The following STAU2 variants were observed in gnomAD, a reference collection of about 807,000 sequenced individuals.
STAU2 encodes double-stranded RNA-binding protein Staufen homolog 2.
STAU2 carries 20 observed loss-of-function variants against 65.9 expected under a neutral mutation model. The ratio of observed to expected loss-of-function variants is 0.30; its 90% CI spans 0.21 to 0.44. The LOEUF is 0.44. Ranked by LOEUF, STAU2 falls within the 20% of genes least tolerant of loss-of-function variation. The pLI, the probability that STAU2 is intolerant of heterozygous loss-of-function variation, is 1.00. For missense variants in STAU2, 558 were observed against 683.9 expected, an observed-to-expected ratio of 0.82 and a Z score of 2.05; for synonymous variants, 232 against 233.9, an observed-to-expected ratio of 0.99 and a Z score of 0.07.
rs199601674 is a variant in STAU2 at position 73,613,766 on chromosome 8, T to C, written c.869A>G (p.Lys290Arg). 17 of 1,611,650 alleles carry C rather than the reference T, an allele frequency of 1.1e-5. No individual in the cohort carries two copies. In the East Asian group the frequency reaches 3.8e-4, roughly 36 times the overall value. Residue 290 changes from lysine (K) to arginine (R), a missense_variant, in exon 9 of 15, where the codon AAA (lysine) becomes AGA (arginine). Physicochemically the swap from Lys to Arg is conservative, Grantham distance 26. This residue lies in a region of STAU2 where 199 missense variants were observed against 299.5 expected (regional missense o/e 0.66). Coordinates refer to ENST00000524300, the MANE Select transcript of STAU2 (RefSeq NM_001164380.2). ...TACCTTTACTATTGTTTTAGGGCGT[T>C]TTTTAAAAAATAGTTTTGGCTTTTC... ...VVEKPKLFFK[K>R]RPKTIVKAGP...
upstream of STAU2, chr8:73,747,429 ACGCGCGACCATCCCG>A (rs779748797): frequency 6.5e-7 from 1 of 1,534,220 alleles, no homozygotes; most frequent in South Asian, 1.2e-5. Flanking sequence ...TGTGCAGGGG[ACGCGCGACCATCCCG>A]CGTCTGCTCC....
At chr8:73,694,286 A>T (rs1006536325) in intron 4 of STAU2, among the ~76,000 whole-genome samples, 7 of 152,240 alleles carry the variant, frequency 4.6e-5, no homozygotes, top group South Asian at 2.1e-4. Flanking sequence ...AAGCAAAAAA[A>T]ATCACCAAGA....
At chr8:73,577,239 T>C (rs895066101) in intron 12 of STAU2, among the ~76,000 whole-genome samples, 8 of 152,086 alleles carry the variant, frequency 5.3e-5, no homozygotes, top group South Asian at 2.1e-4. Context: ...CCATCCTGGC[T>C]AACACAATGA....
At position 73,443,545 on chromosome 8, in the gene STAU2, C is replaced by T. The variant is rs1020571086; in HGVS notation, c.1531-20843G>A. On this transcript the variant is annotated intron_variant, in intron 13 of 14. Transcript: ENST00000524300. ...GAAATCAGGCACCTTCTCAATGAAG[C>T]CTTTTTAGACTTCAAAGAAAGTAGT... is the stretch of plus-strand genomic sequence containing the variant. Among the ~76,000 whole-genome samples, 7 of 152,302 alleles carry T rather than the reference C, an allele frequency of 4.6e-5. No homozygotes were observed. In the South Asian group the frequency reaches 1.0e-3, roughly 23 times the overall value.
intron 13 of STAU2, among the ~76,000 whole-genome samples, chr8:73,430,235 A>C (rs528598989): frequency 1.3e-5 from 2 of 152,298 alleles, no homozygotes; most frequent in South Asian, 4.2e-4. Flanking sequence ...CTGCAGTGAG[A>C]AGAGGCACTG....
chr8:73,582,466 TA>T (rs1218511668), intron 12 of STAU2, among the ~76,000 whole-genome samples: 1 of 150,572 alleles, frequency 6.6e-6, no homozygotes, highest in African/African-American at 2.4e-5. Context: ...AATTATTTTT[TA>T]TATTTTTATA....
At chr8:73,539,428 C>T (rs184903894) in intron 13 of STAU2, among the ~76,000 whole-genome samples, 2 of 151,990 alleles carry the variant, frequency 1.3e-5, no homozygotes, top group East Asian at 3.9e-4. Flanking sequence ...TGCAGAGAAA[C>T]AGAAACTAAT....
At chr8:73,494,255 C>T (rs1184683109) in intron 13 of STAU2, among the ~76,000 whole-genome samples, 1 of 151,670 alleles carries the variant, frequency 6.6e-6, no homozygotes, top group African/African-American at 2.4e-5. Flanking sequence ...CTGCCTCTTT[C>T]TTTGAAATCC....
At chr8:73,521,704 A>T (rs141677160) in intron 13 of STAU2, among the ~76,000 whole-genome samples, 2 of 152,358 alleles carry the variant, frequency 1.3e-5, no homozygotes, top group East Asian at 3.9e-4. Context: ...TGCACCTTCC[A>T]GTCAGCCACT....
intron 4 of STAU2, among the ~76,000 whole-genome samples, chr8:73,708,553 T>C (rs1820676005): frequency 1.3e-5 from 2 of 152,214 alleles, no homozygotes; most frequent in Non-Finnish European, 2.9e-5. Flanking sequence ...ACAACTTTTA[T>C]AAATGATTAA....
chr8:73,436,434 A>T (rs1466871739), intron 13 of STAU2, among the ~76,000 whole-genome samples: 1 of 151,662 alleles, frequency 6.6e-6, no homozygotes, highest in Non-Finnish European at 1.5e-5. Context: ...CTGATTTTAC[A>T]CGTATATTTA....
intron 13 of STAU2, chr8:73,551,131 A>G (rs1807307690): frequency 3.0e-6 from 3 of 987,566 alleles, no homozygotes; most frequent in Non-Finnish European, 3.6e-6. Context: ...AGTTCAGTAC[A>G]TGATTTTCAA....
chr8:73,692,194 CTTCTTT>C (rs1181499459), intron 4 of STAU2, among the ~76,000 whole-genome samples: 1 of 150,378 alleles, frequency 6.6e-6, no homozygotes, highest in African/African-American at 2.4e-5. Flanking sequence ...ATCCTACGTA[CTTCTTT>C]TTTTTTTTTT....
chr8:73,514,252 A>G (rs1240759752), intron 13 of STAU2, among the ~76,000 whole-genome samples: 1 of 152,140 alleles, frequency 6.6e-6, no homozygotes, highest in East Asian at 1.9e-4. Flanking sequence ...ACACCCATCA[A>G]GGTGATCAGT....
At chr8:73,681,395 T>C (rs897911431) in intron 5 of STAU2, among the ~76,000 whole-genome samples, 3 of 152,156 alleles carry the variant, frequency 2.0e-5, no homozygotes, top group Non-Finnish European at 4.4e-5. Flanking sequence ...AAGATAAAAG[T>C]CTTTTTCAGG....
At chr8:73,546,712 C>T (rs1010697467) in intron 13 of STAU2, among the ~76,000 whole-genome samples, 1 of 152,058 alleles carries the variant, frequency 6.6e-6, no homozygotes, top group Non-Finnish European at 1.5e-5. Flanking sequence ...GAAATTTCAG[C>T]CACTGTCATT....
At chr8:73,689,530 G>T (rs1168205436) in intron 4 of STAU2, among the ~76,000 whole-genome samples, 2 of 151,988 alleles carry the variant, frequency 1.3e-5, no homozygotes, top group African/African-American at 2.4e-5. Flanking sequence ...ATGGCACAAA[G>T]GCTCTACCTG....
At chr8:73,719,142 G>A (rs994810150) in intron 3 of STAU2, among the ~76,000 whole-genome samples, 4 of 152,084 alleles carry the variant, frequency 2.6e-5, no homozygotes, top group African/African-American at 4.8e-5. Flanking sequence ...GGTGGCTCAC[G>A]CCTGTAATCC....
chr8:73,741,751 G>C (rs933694605), intron 1 of STAU2, among the ~76,000 whole-genome samples: 15 of 152,176 alleles, frequency 9.9e-5, no homozygotes, highest in African/African-American at 3.6e-4. Context: ...GGCCTCGGGT[G>C]ATCCATCTGC....
Sources: allele counts gnomAD v4.1 joint callset (sites outside exome capture counted in the v4.1 genomes callset), GRCh38; gene constraint gnomAD v4.1.1; regional missense constraint gnomAD v4.1.1; transcripts MANE v1.5; gene names NCBI Gene and HGNC (gene_info 2026-07-23, HGNC 2026-07-21).